Variants in MYO5C observed in about 807,000 individuals in gnomAD.
The protein encoded by MYO5C is unconventional myosin-Vc.
MYO5C carries 194 observed loss-of-function variants against 235.7 expected under a neutral mutation model. That is an observed-to-expected ratio of 0.82 (90% CI 0.73 to 0.93). The LOEUF (loss-of-function observed/expected upper bound fraction) is 0.93, where lower values mean the gene tolerates loss of function less well. MYO5C is among the 40% of genes least tolerant of loss of function. MYO5C has a pLI of 0.00. For synonymous variants in MYO5C, 707 were observed against 754.8 expected (o/e 0.94, Z 1.04); for missense variants, 2,038 against 2,127.2 (o/e 0.96, Z 0.82).
chr15:52,278,742 C>G, intron 4 of MYO5C, 131 bp downstream of exon 4: 1 of 1,109,464 alleles, frequency 9.0e-7, no homozygotes, highest in South Asian at 1.6e-5. Flanking sequence ...GTAGTCGGCT[C>G]AACAAAGCAC....
rs866134917 is a variant in MYO5C, at chr15:52,229,291, G to A, written c.3049C>T (p.Leu1017=). ...TGCTTCTCATAGTCTTGTGTTTTCAGTTCAAAACTTTTTTCAAGAAGCCTA... is the reference window on the plus strand; with the variant it reads ...TGCTTCTCATAGTCTTGTGTTTTCAATTCAAAACTTTTTTCAAGAAGCCTA... The part of the protein sequence containing the change: ...QRMLLEKSFE[L]KTQDYEKQIQ... The change falls in exon 25 of 41, where the codon CTG becomes TTG. Residue 1017 remains leucine (L), a synonymous_variant. Coordinates refer to ENST00000261839, the MANE Select transcript of MYO5C (RefSeq NM_018728.4). 6.2e-7 allele frequency: 1 copy of A among 1,613,704 alleles called. No individual in the cohort carries two copies.
rs910453193 is a variant in MYO5C, at chr15:52,237,370, C to A, written c.2868+112G>T. ...TCCCTTTGGTAATGGAAGTTGATAG[C>A]AAAATCTGATTTGCTCTGCAGAAAT... On this transcript the variant is annotated intron_variant, in intron 22 of 40. Coordinates refer to ENST00000261839, the MANE Select transcript of MYO5C (RefSeq NM_018728.4). 7.4e-6 allele frequency: 10 copies of A among 1,353,382 alleles called. No homozygotes were observed. In the African/African-American group the frequency reaches 1.5e-4, roughly 20 times the overall value. 83.8% of individuals were successfully genotyped at this position (1,353,382 alleles called of 1,614,324 possible).
intron 1 of MYO5C, among the ~76,000 whole-genome samples, chr15:52,290,778 A>T (rs922623757): frequency 2.6e-5 from 4 of 152,240 alleles, no homozygotes; most frequent in African/African-American, 9.6e-5. Context: ...GATGATCAAG[A>T]TTCAAAAGGT....
chr15:52,263,915 G>A (rs1197327372), intron 9 of MYO5C, among the ~76,000 whole-genome samples: 6 of 152,142 alleles, frequency 3.9e-5, no homozygotes, highest in Non-Finnish European at 7.3e-5. Context: ...CAGATGCTAT[G>A]ACAGTCCGTG....
At chr15:52,234,662 G>A (rs2036037073) in intron 23 of MYO5C, among the ~76,000 whole-genome samples, 1 of 152,200 alleles carries the variant, frequency 6.6e-6, no homozygotes, top group African/African-American at 2.4e-5. Context: ...TACAGAGACA[G>A]GGTGGAGGGC....
chr15:52,247,408 G>T, intron 15 of MYO5C, 50 bp downstream of exon 15: 5 of 1,592,232 alleles, frequency 3.1e-6, no homozygotes, highest in Non-Finnish European at 4.3e-6. Flanking sequence ...TGGCTCCCCA[G>T]GGCCTGGCCC....
At chr15:52,272,503 T>C in intron 6 of MYO5C, 77 bp downstream of exon 6, 1 of 1,405,620 alleles carries the variant, frequency 7.1e-7, no homozygotes, top group Admixed American at 1.9e-5. Flanking sequence ...ATAGTGTAGC[T>C]TGCCTGAGTA....
intron 8 of MYO5C, among the ~76,000 whole-genome samples, chr15:52,265,438 A>G (rs935140118): frequency 6.6e-6 from 1 of 152,140 alleles, no homozygotes; most frequent in African/African-American, 2.4e-5. Context: ...CCACCCTGGA[A>G]TGGACACTGG....
In MYO5C at chr15:52,211,867, C is replaced by T. The variant is rs761927388; in HGVS notation, c.4159G>A (p.Val1387Met). 71 of 1,613,800 alleles carry T rather than the reference C, an allele frequency of 4.4e-5. No individual in the cohort carries two copies. Among genetic ancestry groups the T allele is most frequent in the East Asian group, 4.5e-5 (2 of 44,896 alleles). The change falls in exon 35 of 41, where the codon GTG becomes ATG. Residue 1387 changes from valine to methionine, a missense_variant. Val to Met is a conservative substitution (Grantham distance 21, BLOSUM62 1). Coordinates refer to ENST00000261839, the MANE Select transcript of MYO5C (RefSeq NM_018728.4). ...NLILDLKPRGVVVNMIPGLPA... is the reference protein window; with the variant it reads ...NLILDLKPRGMVVNMIPGLPA... ...AGCCCGGGGATCATGTTCACCACCACGCCACGGGGCTTCAAGTCTGAAGCA... is the reference window on the plus strand; with the variant it reads ...AGCCCGGGGATCATGTTCACCACCATGCCACGGGGCTTCAAGTCTGAAGCA...
chr15:52,267,846 G>A (rs2036844100), intron 8 of MYO5C, among the ~76,000 whole-genome samples: 1 of 152,114 alleles, frequency 6.6e-6, no homozygotes, highest in African/African-American at 2.4e-5. Context: ...AAGGATCAGG[G>A]AGATGAGGGT....
rs369559651 is a variant in MYO5C at position 52,232,697 on chromosome 15, G to T, written c.2963-12C>A. 8.1e-6 allele frequency: 13 copies of T among 1,611,846 alleles called. No homozygotes were observed. The highest frequency in any genetic ancestry group is 1.3e-5 in the African/African-American group (1 of 74,846). ...GTTGTCCATTTTTTCTGTAAAAAGA[G>T]AATGCTTTTTGAGATATGTCTGCCA... On this transcript the variant is annotated splice_polypyrimidine_tract_variant and intron_variant, in intron 23 of 40. Transcript: ENST00000261839.
chr15:52,203,441 G>C (rs1320286407), intron 38 of MYO5C, among the ~76,000 whole-genome samples: 4 of 152,180 alleles, frequency 2.6e-5, no homozygotes, highest in African/African-American at 9.7e-5. Context: ...TCTGCCTCGG[G>C]TTCAAGCGAT....
intron 34 of MYO5C, 132 bp downstream of exon 34, chr15:52,213,056 A>C: frequency 1.5e-6 from 1 of 650,032 alleles, no homozygotes; most frequent in South Asian, 1.8e-5. Context: ...GAGGTTGAGA[A>C]ACTCTGGGCT....
intron 17 of MYO5C, 54 bp from the exon 18 acceptor site, chr15:52,245,519 C>A (rs1022474305): frequency 1.6e-6 from 2 of 1,249,478 alleles, no homozygotes; most frequent in South Asian, 1.2e-5. Context: ...CACATTGTGT[C>A]TGGGGACTCC....
Position 52,196,572 on chromosome 15 carries a change from A to T in MYO5C, c.4821-89T>A, listed in dbSNP as rs926596681. 2.3e-5 allele frequency: 28 copies of T among 1,232,882 alleles called. No individual in the cohort carries two copies. The African/African-American group carries it at 3.6e-4, about 16-fold the overall frequency. 76.4% of individuals were successfully genotyped at this position (1,232,882 alleles called of 1,614,324 possible). Reference sequence around the variant, plus strand: ...CCCGAGAGGGTACCAGAGTTCGCTGAGATCCTTAAGACCACAGCTCAGCAG... The same window carrying T: ...CCCGAGAGGGTACCAGAGTTCGCTGTGATCCTTAAGACCACAGCTCAGCAG... On this transcript the variant is annotated intron_variant, in intron 38 of 40. Transcript: ENST00000261839.
intron 1 of MYO5C, among the ~76,000 whole-genome samples, chr15:52,283,976 G>A (rs1171055674): frequency 6.6e-6 from 1 of 152,118 alleles, no homozygotes; most frequent in Non-Finnish European, 1.5e-5. Context: ...CGCCTGGCAG[G>A]ATTTAAAAAT....
At chr15:52,244,827 CAGTT>C (rs1222729897) in intron 18 of MYO5C, among the ~76,000 whole-genome samples, 1 of 152,200 alleles carries the variant, frequency 6.6e-6, no homozygotes, top group African/African-American at 2.4e-5. Context: ...CGGCGATTCT[CAGTT>C]GGGCTGCCAG....
In MYO5C at chr15:52,279,611, C is replaced by G. The variant is rs971747708; in HGVS notation, c.202G>C (p.Gly68Arg). ...PPLRNPDILV[G>R]ENDLTALSYL... ...CTGAGAGCCGTGAGGTCATTCTCGC[C>G]CACGAGGATGTCAGGATTCCGAAGT... is the stretch of plus-strand genomic sequence containing the variant. The change falls in exon 3 of 41, where the codon GGC becomes CGC. Residue 68 changes from glycine to arginine, a missense_variant. Transcript: ENST00000261839. The G allele has an allele frequency of 2.5e-6, 4 of 1,613,788 alleles. No homozygotes were observed. The African/African-American group carries it at 5.3e-5, about 22-fold the overall frequency.
Position 52,219,765 on chromosome 15 carries a change from T to A in MYO5C, c.3779A>T (p.Gln1260Leu). The change falls in exon 31 of 41, where the codon CAA (glutamine) becomes CTA (leucine). Residue 1260 changes from glutamine to leucine, a missense_variant. Gln to Leu is a moderately radical substitution (Grantham distance 113). Transcript: ENST00000261839. ...CACACATATTTACACTTACTTTCTT[T>A]GTGTTCCTTCCTCCTCTTGACTGCG... is the stretch of plus-strand genomic sequence containing the variant. ...LHRSQEEEGTQRKALEAQNEI... is the reference protein window; with the variant it reads ...LHRSQEEEGTLRKALEAQNEI... 6.2e-7 allele frequency: 1 copy of A among 1,611,248 alleles called. No individual in the cohort carries two copies. The highest frequency in any genetic ancestry group is 1.7e-4 in the Middle Eastern group (1 of 6,060).
Sources: allele counts gnomAD v4.1 joint callset (sites outside exome capture counted in the v4.1 genomes callset), GRCh38; gene constraint gnomAD v4.1.1; transcripts MANE v1.5; gene names NCBI Gene and HGNC (gene_info 2026-07-23, HGNC 2026-07-21).